The following RAPGEF5 variants were observed in gnomAD, a reference collection of about 807,000 sequenced individuals.
RAPGEF5 encodes the protein M-Ras-regulated GEF.
RAPGEF5 carries 65 observed loss-of-function variants against 125.2 expected under a neutral mutation model. The observed-to-expected ratio is 0.52, with a 90% CI of 0.43 to 0.64. The LOEUF (loss-of-function observed/expected upper bound fraction) is 0.64, where lower values mean the gene tolerates loss of function less well. Ranked by LOEUF, RAPGEF5 falls within the 30% of genes least tolerant of loss-of-function variation. The pLI is 0.00. For missense variants in RAPGEF5, 958 were observed against 1,048.1 expected, an observed-to-expected ratio of 0.91 and a Z score of 1.19; for synonymous variants, 391 against 385.9, an observed-to-expected ratio of 1.01 and a Z score of -0.16.
chr7:22,287,500 G>T (rs1213259191), intron 6 of RAPGEF5, among the ~76,000 whole-genome samples: 2 of 152,132 alleles, frequency 1.3e-5, no homozygotes, highest in East Asian at 3.9e-4. Context: ...TACCACATTT[G>T]AATAAAAATG....
At chr7:22,327,428 T>C (rs1346903618) in intron 1 of RAPGEF5, among the ~76,000 whole-genome samples, 1 of 152,256 alleles carries the variant, frequency 6.6e-6, no homozygotes, top group African/African-American at 2.4e-5. Flanking sequence ...GTGTCCAACA[T>C]GATGCATTCT....
chr7:22,124,716 A>G (rs1032815112), intron 25 of RAPGEF5, among the ~76,000 whole-genome samples: 1 of 152,202 alleles, frequency 6.6e-6, no homozygotes, highest in Middle Eastern at 3.2e-3. Context: ...AGTTGAACTG[A>G]GTGGTTGCCT....
chr7:22,165,318 A>G (rs1784128754), intron 12 of RAPGEF5, among the ~76,000 whole-genome samples: 1 of 152,184 alleles, frequency 6.6e-6, no homozygotes, highest in Admixed American at 6.5e-5. Flanking sequence ...TAGTTAAAGA[A>G]TGTAGTTTAA....
chr7:22,172,489 T>C (rs4476894), intron 11 of RAPGEF5, among the ~76,000 whole-genome samples: 49,158 of 151,990 alleles, frequency 0.32, 8,495 homozygotes, highest in Non-Finnish European at 0.38. Context: ...TGAATGTATT[T>C]CTCTTGTATG....
chr7:22,130,361 C>T (rs10272258), intron 24 of RAPGEF5, among the ~76,000 whole-genome samples: 6,899 of 152,228 alleles, frequency 0.045, 513 homozygotes, highest in African/African-American at 0.16. Context: ...TACAAAGCAC[C>T]TGGGAATGCC....
At chr7:22,356,733 C>A (rs2128390964) in intron 1 of RAPGEF5, 97 bp downstream of exon 1, 2 of 635,060 alleles carry the variant, frequency 3.1e-6, no homozygotes, top group African/African-American at 4.0e-5. Context: ...CCGCCACCTC[C>A]CCAACTTCCA....
intron 16 of RAPGEF5, 43 bp downstream of exon 16, chr7:22,156,767 A>C (rs1220615325): frequency 1.9e-6 from 3 of 1,610,454 alleles, no homozygotes; most frequent in Non-Finnish European, 2.5e-6. Flanking sequence ...AATGGTGGCT[A>C]ACTGCTGCCC....
intron 7 of RAPGEF5, among the ~76,000 whole-genome samples, chr7:22,239,223 G>C (rs1296535024): frequency 6.6e-6 from 1 of 152,170 alleles, no homozygotes; most frequent in Non-Finnish European, 1.5e-5. Context: ...ATGTCATTAA[G>C]GCCGTAATGA....
intron 6 of RAPGEF5, among the ~76,000 whole-genome samples, chr7:22,268,676 GC>G (rs750629184): frequency 2.6e-5 from 4 of 152,170 alleles, no homozygotes; most frequent in Admixed American, 6.5e-5. Context: ...CAGGGAGAAG[GC>G]AGAGATGGAA....
chr7:22,239,529 G>A (rs1786271265), intron 7 of RAPGEF5, among the ~76,000 whole-genome samples: 1 of 152,016 alleles, frequency 6.6e-6, no homozygotes, highest in Non-Finnish European at 1.5e-5. Flanking sequence ...AAGCCACTGA[G>A]AGAGTTCTGG....
intron 6 of RAPGEF5, among the ~76,000 whole-genome samples, chr7:22,272,201 G>A (rs1013845961): frequency 7.2e-5 from 11 of 151,750 alleles, no homozygotes; most frequent in South Asian, 2.1e-4. Flanking sequence ...AAAATTAGCC[G>A]AGTATGGTGC....
intron 7 of RAPGEF5, among the ~76,000 whole-genome samples, chr7:22,246,718 A>G (rs1437529084): frequency 6.6e-6 from 1 of 152,196 alleles, no homozygotes; most frequent in Non-Finnish European, 1.5e-5. Flanking sequence ...AAAAACAAAA[A>G]CTGACAAGTG....
At chr7:22,156,015 G>A (rs1312586891) in intron 16 of RAPGEF5, among the ~76,000 whole-genome samples, 1 of 152,152 alleles carries the variant, frequency 6.6e-6, no homozygotes, top group East Asian at 1.9e-4. Flanking sequence ...CACTTAATAT[G>A]AGCCAACAGA....
intron 1 of RAPGEF5, among the ~76,000 whole-genome samples, chr7:22,345,403 C>G (rs985580213): frequency 2.0e-5 from 3 of 152,192 alleles, no homozygotes; most frequent in African/African-American, 7.2e-5. Context: ...GCAATGACAA[C>G]AGCAGCAGCT....
intron 7 of RAPGEF5, among the ~76,000 whole-genome samples, chr7:22,249,856 C>T (rs1345252): frequency 0.3 from 44,951 of 152,034 alleles, 7,171 homozygotes; most frequent in African/African-American, 0.41. Flanking sequence ...TGGTTAAAAT[C>T]TAGATGTCAG....
chr7:22,194,658 G>T (rs1009005944), intron 9 of RAPGEF5: 2 of 985,054 alleles, frequency 2.0e-6, no homozygotes, highest in South Asian at 4.7e-5. Flanking sequence ...AGCAAAAATG[G>T]ATCTCTAGTT....
At chr7:22,263,209 C>T (rs78910911) in intron 7 of RAPGEF5, among the ~76,000 whole-genome samples, 7,005 of 152,124 alleles carry the variant, frequency 0.046, 202 homozygotes, top group South Asian at 0.071. Flanking sequence ...CATGAGGGAT[C>T]GCTGTGTTGA....
At chr7:22,295,758 A>C (rs1773441212) in intron 5 of RAPGEF5, among the ~76,000 whole-genome samples, 1 of 152,172 alleles carries the variant, frequency 6.6e-6, no homozygotes, top group African/African-American at 2.4e-5. Flanking sequence ...AATTTTTTGA[A>C]AAATACTAAA....
At chr7:22,150,690 G>C (rs1221285830) in intron 17 of RAPGEF5, among the ~76,000 whole-genome samples, 186 bp from the exon 18 acceptor site, 1 of 152,140 alleles carries the variant, frequency 6.6e-6, no homozygotes, top group African/African-American at 2.4e-5. Flanking sequence ...ATCACAAATA[G>C]CTCTCACTGC....
Sources: allele counts gnomAD v4.1 joint callset (sites outside exome capture counted in the v4.1 genomes callset), GRCh38; gene constraint gnomAD v4.1.1; transcripts MANE v1.5; gene names NCBI Gene and HGNC (gene_info 2026-07-23, HGNC 2026-07-21).